The following MACROD2 variants were observed in gnomAD, a reference collection of about 807,000 sequenced individuals.
The protein encoded by MACROD2 is ADP-ribose glycohydrolase MACROD2.
In MACROD2, 36 loss-of-function variants were observed where a neutral mutation model predicts 70.4. The observed-to-expected ratio is 0.51, with a 90% CI of 0.39 to 0.68. MACROD2 has a LOEUF of 0.68. MACROD2 is among the 30% of genes least tolerant of loss of function. MACROD2 has a pLI of 0.00. For missense variants in MACROD2, 496 were observed against 538.4 expected, an observed-to-expected ratio of 0.92 and a Z score of 0.78; for synonymous variants, 172 against 178.8, an observed-to-expected ratio of 0.96 and a Z score of 0.30.
At chr20:14,027,278 G>T (rs2053183014) in intron 2 of MACROD2, among the ~76,000 whole-genome samples, 1 of 151,852 alleles carries the variant, frequency 6.6e-6, no homozygotes, top group South Asian at 2.1e-4. Context: ...TATGCTTCAC[G>T]AAGTTCTCGT....
At chr20:14,325,916 C>T in intron 3 of MACROD2, 2 of 1,613,950 alleles carry the variant, frequency 1.2e-6, no homozygotes, top group Non-Finnish European at 1.7e-6. Context: ...CCAATGATGG[C>T]AGCCAAAGGT....
At chr20:14,728,225 T>A (rs2071552727) in intron 5 of MACROD2, among the ~76,000 whole-genome samples, 1 of 152,210 alleles carries the variant, frequency 6.6e-6, no homozygotes, top group African/African-American at 2.4e-5. Context: ...GTAATACTAA[T>A]CACTTAAAGA....
At chr20:14,817,307 A>C (rs2072784978) in intron 5 of MACROD2, among the ~76,000 whole-genome samples, 1 of 152,174 alleles carries the variant, frequency 6.6e-6, no homozygotes, top group South Asian at 2.1e-4. Context: ...CAGTTTTCTC[A>C]TTAAGAACAT....
chr20:14,821,109 T>C (rs1352640908), intron 5 of MACROD2, among the ~76,000 whole-genome samples: 1 of 152,120 alleles, frequency 6.6e-6, no homozygotes, highest in African/African-American at 2.4e-5. Context: ...GACTCATAAA[T>C]AGATGCCTTT....
intron 4 of MACROD2, among the ~76,000 whole-genome samples, chr20:14,512,182 G>A (rs1390471685): frequency 6.6e-6 from 1 of 152,108 alleles, no homozygotes; most frequent in African/African-American, 2.4e-5. Context: ...TTTTCCAAAA[G>A]GAAGCTATAT....
At chr20:15,580,759 C>G (rs2048512527) in intron 8 of MACROD2, among the ~76,000 whole-genome samples, 1 of 152,122 alleles carries the variant, frequency 6.6e-6, no homozygotes, top group African/African-American at 2.4e-5. Context: ...AGTGATTACC[C>G]CATCACATCA....
At position 15,773,855 on chromosome 20, in the gene MACROD2, A is replaced by G. The variant is rs116246597; in HGVS notation, c.646-88890A>G. On this transcript the variant is annotated intron_variant, in intron 8 of 17. Transcript: ENST00000684519. ...GATCTCGAAGAAAAGTTTGCAAAAT[A>G]AGGAAGAAGAAGATGAGGAGATGCA... Among the ~76,000 whole-genome samples, 441 of 152,310 alleles carry G rather than the reference A, an allele frequency of 2.9e-3. 4 individuals are homozygous for G. Among genetic ancestry groups the G allele is most frequent in the African/African-American group, 0.01 (420 of 41,588 alleles).
At chr20:14,881,465 G>C (rs529467130) in intron 5 of MACROD2, among the ~76,000 whole-genome samples, 6 of 152,032 alleles carry the variant, frequency 3.9e-5, no homozygotes, top group Non-Finnish European at 8.8e-5. Context: ...GAGACTCACT[G>C]TTCTTATCTC....
chr20:15,784,850 T>G (rs1485008398), intron 8 of MACROD2, among the ~76,000 whole-genome samples: 1 of 152,056 alleles, frequency 6.6e-6, no homozygotes, highest in Non-Finnish European at 1.5e-5. Context: ...TTATTTTCTA[T>G]TAAAAATCAC....
chr20:14,085,877 G>A, intron 3 of MACROD2, 149 bp downstream of exon 3: 1 of 502,758 alleles, frequency 2.0e-6, no homozygotes, highest in South Asian at 4.6e-5. Flanking sequence ...AAACATTGGA[G>A]ATCTATTTTT....
intron 10 of MACROD2, among the ~76,000 whole-genome samples, chr20:15,888,893 G>T (rs532197200): frequency 6.6e-6 from 1 of 152,090 alleles, no homozygotes; most frequent in African/African-American, 2.4e-5. Flanking sequence ...TGTCAGTCTC[G>T]AAGATGAGTC....
chr20:14,582,487 C>G (rs979363042), intron 4 of MACROD2, among the ~76,000 whole-genome samples: 2 of 151,934 alleles, frequency 1.3e-5, no homozygotes, highest in Admixed American at 1.3e-4. Flanking sequence ...GTGTCCACAC[C>G]GAACATTCAC....
chr20:14,734,499 TCAAAAAAAACAAAAAAA>T (rs1182637883), intron 5 of MACROD2, among the ~76,000 whole-genome samples: 1 of 124,890 alleles, frequency 8.0e-6, no homozygotes, highest in Admixed American at 8.3e-5. Flanking sequence ...AAACTCCATA[TCAAAAAAAACAAAAAAA>T]CAAAAAAAAC....
intron 5 of MACROD2, among the ~76,000 whole-genome samples, chr20:14,720,733 T>C (rs2071458300): frequency 6.6e-6 from 1 of 151,468 alleles, no homozygotes; most frequent in East Asian, 2.0e-4. Flanking sequence ...TTTGTATTTT[T>C]AGTAGAGACG....
intron 6 of MACROD2, among the ~76,000 whole-genome samples, chr20:15,299,042 A>G (rs1326669551): frequency 6.6e-6 from 1 of 152,218 alleles, no homozygotes; most frequent in East Asian, 1.9e-4. Flanking sequence ...GGATGAGGCT[A>G]CTATTTTGAT....
intron 5 of MACROD2, among the ~76,000 whole-genome samples, chr20:15,160,282 A>G (rs1311173816): frequency 6.6e-6 from 1 of 152,050 alleles, no homozygotes; most frequent in Non-Finnish European, 1.5e-5. Flanking sequence ...GATGAATGTA[A>G]GAGAGATTCT....
At chr20:14,165,414 C>T (rs925014063) in intron 3 of MACROD2, among the ~76,000 whole-genome samples, 3 of 152,104 alleles carry the variant, frequency 2.0e-5, no homozygotes, top group African/African-American at 7.2e-5. Flanking sequence ...GCTTCCCTTT[C>T]CTTTCTTGCT....
At chr20:15,441,724 A>G (rs987138138) in intron 7 of MACROD2, among the ~76,000 whole-genome samples, 4 of 152,184 alleles carry the variant, frequency 2.6e-5, no homozygotes, top group Non-Finnish European at 5.9e-5. Flanking sequence ...TAGTTGTGTC[A>G]AGGTAAAAGT....
At chr20:15,304,890 C>T (rs1036469828) in intron 6 of MACROD2, among the ~76,000 whole-genome samples, 4 of 152,222 alleles carry the variant, frequency 2.6e-5, no homozygotes, top group African/African-American at 7.2e-5. Context: ...ACTGGCCATA[C>T]GGGAGGCACC....
Sources: allele counts gnomAD v4.1 joint callset (sites outside exome capture counted in the v4.1 genomes callset), GRCh38; gene constraint gnomAD v4.1.1; transcripts MANE v1.5; gene names NCBI Gene and HGNC (gene_info 2026-07-23, HGNC 2026-07-21).